Variants in OPCML observed in about 807,000 individuals in gnomAD.
The protein encoded by OPCML is opioid-binding protein/cell adhesion molecule.
In OPCML, 13 loss-of-function variants were observed where a neutral mutation model predicts 37.8. The ratio of observed to expected loss-of-function variants is 0.34; its 90% CI spans 0.22 to 0.55. The LOEUF (loss-of-function observed/expected upper bound fraction) is 0.55, where lower values mean the gene tolerates loss of function less well. Among genes scored for constraint, OPCML ranks in the 20% least tolerant of loss-of-function variants. The pLI, the probability that OPCML is intolerant of heterozygous loss-of-function variation, is 0.91. For missense variants in OPCML, 341 were observed against 435.6 expected, an observed-to-expected ratio of 0.78 and a Z score of 1.93; for synonymous variants, 176 against 168.8, an observed-to-expected ratio of 1.04 and a Z score of -0.33.
chr11:133,167,141 G>C (rs1330218097), intron 1 of OPCML, among the ~76,000 whole-genome samples: 6 of 152,178 alleles, frequency 3.9e-5, no homozygotes, highest in Non-Finnish European at 8.8e-5. Flanking sequence ...AGAGGATTCA[G>C]AGTTGGTGGC....
chr11:132,823,653 T>C (rs987197834), intron 2 of OPCML, among the ~76,000 whole-genome samples: 1 of 152,114 alleles, frequency 6.6e-6, no homozygotes, highest in Non-Finnish European at 1.5e-5. Context: ...CCATTTATCG[T>C]CTCATATTTT....
intron 1 of OPCML, chr11:133,422,377 TTATATA>T: frequency 1.2e-6 from 1 of 827,822 alleles, no homozygotes; most frequent in Non-Finnish European, 1.4e-6. Context: ...ACCAAAGACA[TTATATA>T]TATATATATA....
At chr11:133,024,047 C>T (rs570078929) in intron 1 of OPCML, among the ~76,000 whole-genome samples, 6 of 152,178 alleles carry the variant, frequency 3.9e-5, no homozygotes, top group Non-Finnish European at 7.3e-5. Context: ...GGTTTTATTA[C>T]GTATTTCACA....
At chr11:132,705,583 C>T (rs1943999934) in intron 2 of OPCML, among the ~76,000 whole-genome samples, 1 of 151,958 alleles carries the variant, frequency 6.6e-6, no homozygotes, top group African/African-American at 2.4e-5. Flanking sequence ...CAGAGCCAGA[C>T]CTGGTCTCAA....
chr11:133,503,654 A>G (rs1345162918), intron 1 of OPCML, among the ~76,000 whole-genome samples: 7 of 152,252 alleles, frequency 4.6e-5, no homozygotes, highest in Admixed American at 4.6e-4. Context: ...AGAAGCCTGC[A>G]CGAGGCAATT....
chr11:133,485,410 A>G (rs900697492), intron 1 of OPCML, among the ~76,000 whole-genome samples: 1 of 152,212 alleles, frequency 6.6e-6, no homozygotes, highest in East Asian at 1.9e-4. Context: ...GAAGTCACCC[A>G]TGATGAACTA....
intron 1 of OPCML, among the ~76,000 whole-genome samples, chr11:133,381,246 G>C (rs1185176554): frequency 1.3e-5 from 2 of 152,248 alleles, no homozygotes; most frequent in African/African-American, 2.4e-5. Context: ...ACCTCAGTAA[G>C]TGGCAGAGGA....
chr11:133,345,564 C>T (rs1943980526), intron 1 of OPCML, among the ~76,000 whole-genome samples: 1 of 152,186 alleles, frequency 6.6e-6, no homozygotes, highest in African/African-American at 2.4e-5. Flanking sequence ...CTTGGGCTTC[C>T]CCTTGTTTGT....
chr11:133,456,860 T>C (rs934172145), intron 1 of OPCML, among the ~76,000 whole-genome samples: 15 of 151,344 alleles, frequency 9.9e-5, no homozygotes, highest in African/African-American at 3.6e-4. Context: ...GAAAAACTAT[T>C]AAAAAATTAA....
intron 2 of OPCML, among the ~76,000 whole-genome samples, chr11:132,864,909 C>G (rs751448943): frequency 6.6e-6 from 1 of 152,162 alleles, no homozygotes; most frequent in African/African-American, 2.4e-5. Flanking sequence ...TGCTGAGAGC[C>G]GGAAATGCCC....
Position 132,942,965 on chromosome 11 carries a change from T to G in OPCML, c.107A>C (p.Asp36Ala). The G allele has an allele frequency of 6.2e-7, 1 of 1,614,078 alleles. No individual in the cohort carries two copies. The highest frequency in any genetic ancestry group is 8.5e-7 in the Non-Finnish European group (1 of 1,179,996). The change falls in exon 2 of 8, where the codon GAC becomes GCC. Residue 36 changes from aspartate (D) to alanine (A), a missense_variant. Coordinates refer to ENST00000524381, the MANE Select transcript of OPCML (RefSeq NM_001012393.5). ...CTCCCCCTGCCGGACCGTCACGTTGTCCATAGCTTTGGGGAAGGTGGCATC... is the reference window on the plus strand; with the variant it reads ...CTCCCCCTGCCGGACCGTCACGTTGGCCATAGCTTTGGGGAAGGTGGCATC... ...SGDATFPKAM[D>A]NVTVRQGESA...
At chr11:133,473,524 G>T (rs147837119) in intron 1 of OPCML, among the ~76,000 whole-genome samples, 2,001 of 152,234 alleles carry the variant, frequency 0.013, 42 homozygotes, top group African/African-American at 0.045. Flanking sequence ...AGTGAACAAG[G>T]TTACTCCATG....
At chr11:133,480,170 C>G (rs1037411260) in intron 1 of OPCML, among the ~76,000 whole-genome samples, 1 of 152,194 alleles carries the variant, frequency 6.6e-6, no homozygotes, top group African/African-American at 2.4e-5. Flanking sequence ...GGTCTCAGTC[C>G]TGATCTCCTA....
At chr11:132,812,039 T>G (rs117651971) in intron 2 of OPCML, among the ~76,000 whole-genome samples, 2,440 of 152,294 alleles carry the variant, frequency 0.016, 27 homozygotes, top group Middle Eastern at 0.027. Context: ...ACCTGGACAG[T>G]CTGGATCCCC....
chr11:132,426,739 T>C (rs897432954), intron 7 of OPCML, among the ~76,000 whole-genome samples: 1 of 152,164 alleles, frequency 6.6e-6, no homozygotes, highest in Non-Finnish European at 1.5e-5. Flanking sequence ...GCCTAAACAT[T>C]AGATTTTTTA....
At chr11:132,562,606 TTG>T (rs2096412992) in intron 3 of OPCML, among the ~76,000 whole-genome samples, 1 of 152,104 alleles carries the variant, frequency 6.6e-6, no homozygotes, top group African/African-American at 2.4e-5. Flanking sequence ...CAAGATTATC[TTG>T]TGTGTTTAAT....
chr11:133,023,964 A>T (rs996245744), intron 1 of OPCML, among the ~76,000 whole-genome samples: 1 of 152,226 alleles, frequency 6.6e-6, no homozygotes, highest in Non-Finnish European at 1.5e-5. Context: ...GTCACTGAGC[A>T]GCCAGCAGCA....
At chr11:133,455,428 A>G (rs1299332324) in intron 1 of OPCML, among the ~76,000 whole-genome samples, 1 of 152,160 alleles carries the variant, frequency 6.6e-6, no homozygotes, top group Non-Finnish European at 1.5e-5. Context: ...CATCTAATGA[A>G]TGTTCTCAGT....
At chr11:132,855,031 T>G (rs891989339) in intron 2 of OPCML, among the ~76,000 whole-genome samples, 3 of 152,218 alleles carry the variant, frequency 2.0e-5, no homozygotes, top group Non-Finnish European at 4.4e-5. Context: ...TTTGTAAAGC[T>G]AATAAAAGGC....
Sources: allele counts gnomAD v4.1 joint callset (sites outside exome capture counted in the v4.1 genomes callset), GRCh38; gene constraint gnomAD v4.1.1; transcripts MANE v1.5; gene names NCBI Gene and HGNC (gene_info 2026-07-23, HGNC 2026-07-21).